Variants in NCEH1 observed in about 807,000 individuals in gnomAD.
NCEH1 encodes 2-acetyl MAGE hydrolase.
In NCEH1, 9 loss-of-function variants were observed where a neutral mutation model predicts 25.4. The ratio of observed to expected loss-of-function variants is 0.35; its 90% CI spans 0.21 to 0.62. The LOEUF (loss-of-function observed/expected upper bound fraction) is 0.62. Among genes scored for constraint, NCEH1 ranks in the 20% least tolerant of loss-of-function variants. The pLI, the probability that NCEH1 is intolerant of heterozygous loss-of-function variation, is 0.72. For synonymous variants in NCEH1, 200 were observed against 199.8 expected (o/e 1.00, Z -0.01); for missense variants, 412 against 501.1 (o/e 0.82, Z 1.70).
chr3:172,639,958 G>C (rs973922801), intron 3 of NCEH1, among the ~76,000 whole-genome samples: 4 of 152,236 alleles, frequency 2.6e-5, no homozygotes, highest in African/African-American at 9.6e-5. Flanking sequence ...GTAACAGCTA[G>C]AAGTGGCAGA....
chr3:172,672,376 T>C (rs1230082292), intron 1 of NCEH1, among the ~76,000 whole-genome samples: 1 of 152,162 alleles, frequency 6.6e-6, no homozygotes, highest in Non-Finnish European at 1.5e-5. Flanking sequence ...GGAAGCCCTT[T>C]TTAATACGCG....
Position 172,632,092 on chromosome 3 carries a change from T to C in NCEH1, c.*1383A>G, listed in dbSNP as rs71310518. On this transcript the variant is annotated 3_prime_UTR_variant, in exon 5 of 5. Transcript: ENST00000475381. ...CAGTGTACGCCCTTCACTCAGAACA[T>C]GAGCTTGTGTTCCTCTGACCCTAAA... 28,387 of 152,434 alleles carry C rather than the reference T, an allele frequency of 0.19. 3,501 individuals carry two copies. The highest frequency in any genetic ancestry group is 0.41 in the East Asian group (2,105 of 5,160). 9.4% of individuals were successfully genotyped at this position (152,434 alleles called of 1,614,324 possible).
chr3:172,637,502 C>G (rs9799021), intron 3 of NCEH1, among the ~76,000 whole-genome samples: 3,344 of 152,264 alleles, frequency 0.022, 288 homozygotes, highest in East Asian at 0.19. Flanking sequence ...CCTGTAATCC[C>G]AGCACTTTGG....
At chr3:172,648,400 T>A (rs1050169134) in intron 1 of NCEH1, among the ~76,000 whole-genome samples, 3 of 152,200 alleles carry the variant, frequency 2.0e-5, no homozygotes, top group Non-Finnish European at 4.4e-5. Flanking sequence ...GTTCTGGGAC[T>A]CAAACCTAAG....
intron 1 of NCEH1, among the ~76,000 whole-genome samples, chr3:172,710,384 G>A (rs905516569): frequency 2.6e-5 from 4 of 152,200 alleles, no homozygotes; most frequent in African/African-American, 9.6e-5. Flanking sequence ...TTGCGAGACT[G>A]CCCTTGCCTG....
intron 1 of NCEH1, among the ~76,000 whole-genome samples, chr3:172,659,124 AC>A (rs1717844867): frequency 6.6e-6 from 1 of 151,904 alleles, no homozygotes. Context: ...CTCAACCATC[AC>A]CCTCTATTGC....
At chr3:172,672,421 T>C (rs1012671454) in intron 1 of NCEH1, among the ~76,000 whole-genome samples, 34 of 152,100 alleles carry the variant, frequency 2.2e-4, no homozygotes, top group Admixed American at 9.2e-4. Flanking sequence ...GGGCCAAACC[T>C]CTCAATTACT....
intron 1 of NCEH1, among the ~76,000 whole-genome samples, chr3:172,699,487 C>T (rs1224452807): frequency 2.6e-5 from 4 of 152,178 alleles, no homozygotes; most frequent in Non-Finnish European, 5.9e-5. Context: ...ACAGCCTTGA[C>T]TTGATTAGGC....
chr3:172,700,014 C>T (rs561530), intron 1 of NCEH1, among the ~76,000 whole-genome samples: 82,907 of 152,064 alleles, frequency 0.55, 24,596 homozygotes, highest in African/African-American at 0.79. Flanking sequence ...ACAATGATAA[C>T]AGACATATAT....
At chr3:172,685,454 T>C (rs1354922598) in intron 1 of NCEH1, among the ~76,000 whole-genome samples, 1 of 152,186 alleles carries the variant, frequency 6.6e-6, no homozygotes, top group East Asian at 1.9e-4. Context: ...AGTCGTATAA[T>C]TTTAAAACCC....
chr3:172,679,498 C>T (rs1577079168), intron 1 of NCEH1, among the ~76,000 whole-genome samples: 1 of 151,886 alleles, frequency 6.6e-6, no homozygotes, highest in East Asian at 1.9e-4. Flanking sequence ...TCTGTATGTA[C>T]CGCACACCCA....
chr3:172,655,137 C>T (rs1717629654), intron 1 of NCEH1, among the ~76,000 whole-genome samples: 1 of 152,168 alleles, frequency 6.6e-6, no homozygotes. Flanking sequence ...TTCCTGAAAC[C>T]TCTTTAGAAG....
intron 1 of NCEH1, among the ~76,000 whole-genome samples, chr3:172,684,698 G>A (rs1019567339): frequency 6.6e-5 from 10 of 152,142 alleles, no homozygotes; most frequent in African/African-American, 2.4e-4. Flanking sequence ...CCCATCTTTT[G>A]GGCTGGGTGC....
intron 3 of NCEH1, among the ~76,000 whole-genome samples, chr3:172,636,647 C>T (rs1229179203): frequency 3.3e-5 from 5 of 152,180 alleles, no homozygotes; most frequent in Non-Finnish European, 4.4e-5. Context: ...ACTAAAAGGC[C>T]GGTTGTTAAC....
intron 1 of NCEH1, among the ~76,000 whole-genome samples, chr3:172,680,288 A>T (rs750487722): frequency 5.3e-5 from 8 of 152,224 alleles, no homozygotes; most frequent in Non-Finnish European, 8.8e-5. Context: ...GTAATGACGA[A>T]ACTCAGGTAG....
chr3:172,683,412 A>G (rs1712514621), intron 1 of NCEH1, among the ~76,000 whole-genome samples: 1 of 63,368 alleles, frequency 1.6e-5, no homozygotes, highest in South Asian at 5.9e-4. Context: ...CAAAAAAAAA[A>G]AAAAAAAAAA....
chr3:172,642,637 A>G (rs952732402), intron 3 of NCEH1, among the ~76,000 whole-genome samples: 5 of 151,990 alleles, frequency 3.3e-5, no homozygotes, highest in African/African-American at 9.7e-5. Flanking sequence ...AAAAGAAAAA[A>G]AAGTACTGTG....
chr3:172,680,591 A>C (rs1351944535), intron 1 of NCEH1: 1 of 152,118 alleles, frequency 6.6e-6, no homozygotes, highest in African/African-American at 2.4e-5. Context: ...CCCTGCCCCA[A>C]ATCTCAGGGG....
At chr3:172,658,486 C>T (rs1411185878) in intron 1 of NCEH1, among the ~76,000 whole-genome samples, 1 of 152,138 alleles carries the variant, frequency 6.6e-6, no homozygotes, top group South Asian at 2.1e-4. Flanking sequence ...CACAGTGGCA[C>T]CCTCTACACA....
Sources: allele counts gnomAD v4.1 joint callset (sites outside exome capture counted in the v4.1 genomes callset), GRCh38; gene constraint gnomAD v4.1.1; transcripts MANE v1.5; gene names NCBI Gene and HGNC (gene_info 2026-07-23, HGNC 2026-07-21).